The following ZNF577 variants were observed in gnomAD, a reference collection of about 807,000 sequenced individuals.
ZNF577 encodes the protein zinc finger protein 577.
A neutral mutation model predicts 13.9 loss-of-function variants in ZNF577; 14 were observed. The ratio of observed to expected loss-of-function variants is 1.00; its 90% CI spans 0.66 to 1.57. ZNF577 has a LOEUF of 1.57. ZNF577 is among the 40% of genes most tolerant of loss of function. The pLI is 0.00. For missense variants in ZNF577, 555 were observed against 579.2 expected (o/e 0.96, Z 0.43); for synonymous variants, 203 against 202.9 (o/e 1.00, Z 0.00).
chr19:51,831,161 G>A (rs2084259077), intron 9 of ZNF577, among the ~76,000 whole-genome samples: 1 of 151,934 alleles, frequency 6.6e-6, no homozygotes, highest in South Asian at 2.1e-4. Flanking sequence ...TGTTGTCCAG[G>A]CTGGAGTGCT....
rs369604393 is a variant in ZNF577, at chr19:51,841,720, G to A, written c.*374+1101C>T. ...GATCACCTGGGGTCAGGAGTTTGAG[G>A]CCAGGCTGGCCAACATGGTGAAACC... is the stretch of plus-strand genomic sequence containing the variant. On this transcript the variant is annotated intron_variant and NMD_transcript_variant, in intron 8 of 10. Coordinates refer to the ZNF577 transcript ENST00000638827. 4.3e-3 allele frequency among the ~76,000 whole-genome samples: 650 copies of A among 152,196 alleles called. 4 individuals carry two copies. Among genetic ancestry groups the A allele is most frequent in the Middle Eastern group, 0.031 (9 of 294 alleles).
At chr19:51,810,709 G>C (rs1303323525) in intron 10 of ZNF577, among the ~76,000 whole-genome samples, 1 of 152,176 alleles carries the variant, frequency 6.6e-6, no homozygotes, top group Non-Finnish European at 1.5e-5. Flanking sequence ...TCACATCAAA[G>C]GGTAAAAAAC....
At chr19:51,858,402 G>A (rs2084460942) in intron 5 of ZNF577, among the ~76,000 whole-genome samples, 2 of 152,172 alleles carry the variant, frequency 1.3e-5, no homozygotes, top group Admixed American at 6.5e-5. Context: ...ATGCACCAGG[G>A]TGAATAGGAG....
intron 9 of ZNF577, among the ~76,000 whole-genome samples, chr19:51,828,134 G>A (rs950802173): frequency 2.0e-5 from 3 of 152,134 alleles, no homozygotes; most frequent in East Asian, 1.9e-4. Context: ...TTGGGAGGCC[G>A]AGGTGAGTGG....
chr19:51,881,390 AT>A (rs59355726), intron 1 of ZNF577, among the ~76,000 whole-genome samples: 2,910 of 152,288 alleles, frequency 0.019, 90 homozygotes, highest in African/African-American at 0.066. Context: ...ATGCTCCTAA[AT>A]TTTTGGTTTA....
downstream of ZNF577, among the ~76,000 whole-genome samples, chr19:51,804,489 AATTTG>A (rs2084044935): frequency 6.6e-6 from 1 of 152,208 alleles, no homozygotes; most frequent in Admixed American, 6.5e-5. Flanking sequence ...AAAGTTTTAC[AATTTG>A]ATTTGATTGG....
Position 51,848,817 on chromosome 19 carries a change from T to G in ZNF577, c.284-3886A>C, listed in dbSNP as rs181895446. ...TTTAAAGTTGATCTCTTCCCCAATT[T>G]GCTAATATTTTGTAAGGAGTTGTAC... On this transcript the variant is annotated intron_variant and NMD_transcript_variant, in intron 5 of 10. Transcript: ENST00000638827. 3.5e-3 allele frequency among the ~76,000 whole-genome samples: 540 copies of G among 152,316 alleles called. 2 individuals are homozygous for G. The highest frequency in any genetic ancestry group is 0.013 in the African/African-American group (520 of 41,572).
At chr19:51,850,988 TATA>T (rs1189105542) in intron 5 of ZNF577, among the ~76,000 whole-genome samples, 5 of 152,234 alleles carry the variant, frequency 3.3e-5, no homozygotes, top group African/African-American at 1.2e-4. Context: ...AGGATAAGCA[TATA>T]ATTTTGTGAT....
chr19:51,813,368 C>T (rs2084111589), intron 9 of ZNF577, among the ~76,000 whole-genome samples: 1 of 152,112 alleles, frequency 6.6e-6, no homozygotes, highest in Admixed American at 6.6e-5. Context: ...TGAAAACCTC[C>T]ACCTTTTAAT....
Position 51,869,079 on chromosome 19 carries a change from T to C in ZNF577, c.*3453A>G, listed in dbSNP as rs6509584. 0.27 allele frequency among the ~76,000 whole-genome samples: 40,823 copies of C among 152,000 alleles called. 7,764 individuals are homozygous for C. Among genetic ancestry groups the C allele is most frequent in the African/African-American group, 0.53 (21,840 of 41,432 alleles). The stretch of plus-strand genomic sequence containing the variant: ...CTCCCCACTGAGACAGCCTGAGATA[T>C]GGCCTCGTGGGAAGGGAAAGACCTG... On this transcript the variant is annotated 3_prime_UTR_variant, in exon 6 of 6. Transcript: ENST00000638348.
chr19:51,819,333 T>C (rs1291194284), intron 9 of ZNF577, among the ~76,000 whole-genome samples: 1 of 152,134 alleles, frequency 6.6e-6, no homozygotes, highest in Non-Finnish European at 1.5e-5. Context: ...GAGGATAGCA[T>C]GGTACTTTAA....
At chr19:51,804,632 C>T (rs2084045618), downstream of ZNF577, among the ~76,000 whole-genome samples, 1 of 152,050 alleles carries the variant, frequency 6.6e-6, no homozygotes, top group South Asian at 2.1e-4. Context: ...AGCAAAAATG[C>T]TCAAATTGAC....
At chr19:51,879,522 T>C (rs1464501916) in intron 3 of ZNF577, among the ~76,000 whole-genome samples, 1 of 152,066 alleles carries the variant, frequency 6.6e-6, no homozygotes, top group East Asian at 1.9e-4. Context: ...TGAGCCAAGA[T>C]TGCGCCACTG....
chr19:51,873,578 G>A lies in ZNF577; in HGVS notation c.412C>T (p.Pro138Ser). ...TTGAGCTGTGATTTAGGGCTGCTGG[G>A]TTTAACACATCTATGGTATTTAACT... ...TGVKYHRCVKPSSPKSQLNDL... is the reference protein window; with the variant it reads ...TGVKYHRCVKSSSPKSQLNDL... Residue 138 changes from proline (P) to serine (S), a missense_variant, in exon 6 of 6, where the codon CCC becomes TCC. Physicochemically the swap from Pro to Ser is moderately conservative, Grantham distance 74 (BLOSUM62 -1). Coordinates refer to ENST00000638348, the MANE Select transcript of ZNF577 (RefSeq NM_001370449.1). 6.2e-7 allele frequency: 1 copy of A among 1,614,166 alleles called. No homozygotes were observed. Among genetic ancestry groups the A allele is most frequent in the Non-Finnish European group, 8.5e-7 (1 of 1,180,044 alleles).
intron 1 of ZNF577, among the ~76,000 whole-genome samples, chr19:51,885,964 C>T (rs1049552614): frequency 6.6e-6 from 1 of 152,014 alleles, no homozygotes; most frequent in African/African-American, 2.4e-5. Context: ...GAAAAAGAAA[C>T]GAGCTACTGC....
chr19:51,873,774 G>A, intron 5 of ZNF577, 68 bp from the exon 6 acceptor site: 4 of 1,196,288 alleles, frequency 3.3e-6, no homozygotes, highest in Non-Finnish European at 4.6e-6. Context: ...AAGGAACAAT[G>A]CTCTTACATA....
chr19:51,879,911 A>T (rs1224746149), intron 3 of ZNF577, among the ~76,000 whole-genome samples: 1 of 152,228 alleles, frequency 6.6e-6, no homozygotes, highest in Non-Finnish European at 1.5e-5. Context: ...TTAAGAAGGT[A>T]AGAAAGAAGC....
At chr19:51,886,235 A>C (rs1331784470) in intron 1 of ZNF577, 1 of 152,186 alleles carries the variant, frequency 6.6e-6, no homozygotes. Context: ...TTCTCTTATA[A>C]ATGTATAGGC....
chr19:51,879,170 T>A (rs1217991814), intron 3 of ZNF577, among the ~76,000 whole-genome samples: 1 of 150,648 alleles, frequency 6.6e-6, no homozygotes, highest in Non-Finnish European at 1.5e-5. Context: ...GGCAGGAGAA[T>A]GGCATGAACC....
Sources: gnomAD v4.1 joint callset for allele counts (sites outside exome capture counted in the v4.1 genomes callset) on GRCh38, gnomAD v4.1.1 for gene constraint, MANE v1.5 for transcripts, NCBI Gene and HGNC (gene_info 2026-07-23, HGNC 2026-07-21) for gene names.